The following NID2 variants were observed in gnomAD, a reference collection of about 807,000 sequenced individuals.
NID2 encodes nidogen-2.
A neutral mutation model predicts 145.4 loss-of-function variants in NID2; 83 were observed. That is an observed-to-expected ratio of 0.57 (90% CI 0.48 to 0.69). NID2 has a LOEUF of 0.69. NID2 is among the 30% of genes least tolerant of loss of function. The pLI is 0.00. For synonymous variants in NID2, 739 were observed against 701.3 expected, an observed-to-expected ratio of 1.05 and a Z score of -0.85; for missense variants, 1,807 against 1,765.7, an observed-to-expected ratio of 1.02 and a Z score of -0.42.
intron 2 of NID2, among the ~76,000 whole-genome samples, chr14:52,067,170 C>G (rs1035009625): frequency 7.9e-5 from 12 of 152,116 alleles, no homozygotes; most frequent in African/African-American, 2.9e-4. Flanking sequence ...TAATGAAAAA[C>G]CAGAAAAAGC....
intron 16 of NID2, among the ~76,000 whole-genome samples, chr14:52,012,322 A>G (rs1393137537): frequency 6.6e-6 from 1 of 152,204 alleles, no homozygotes; most frequent in Non-Finnish European, 1.5e-5. Context: ...AAGAAAGTGT[A>G]GTCAGGCACA....
chr14:52,022,484 A>G (rs1467824759), intron 12 of NID2, among the ~76,000 whole-genome samples: 1 of 152,170 alleles, frequency 6.6e-6, no homozygotes, highest in Non-Finnish European at 1.5e-5. Flanking sequence ...AAAACATGGA[A>G]AGACTTTCAG....
intron 5 of NID2, among the ~76,000 whole-genome samples, chr14:52,051,691 T>C (rs1317092941): frequency 1.3e-5 from 2 of 152,254 alleles, no homozygotes; most frequent in East Asian, 1.9e-4. Flanking sequence ...CTATACTTCA[T>C]ACATCCCCGT....
Position 52,042,208 on chromosome 14 carries a change from C to G in NID2, c.1722G>C (p.Gln574His), listed in dbSNP as rs1356402731. 2 of 1,614,094 alleles carry G rather than the reference C, an allele frequency of 1.2e-6. No homozygotes were observed. Among genetic ancestry groups the G allele is most frequent in the Non-Finnish European group, 1.7e-6 (2 of 1,180,050 alleles). Residue 574 changes from glutamine to histidine, a missense_variant, in exon 7 of 22, where the codon CAG (glutamine) becomes CAC (histidine). Transcript: ENST00000216286. Reference sequence around the variant, plus strand: ...GGGGGAGGAGGGCCTGGGCTGCTGGCTGTGGGATGTGGCTGATGGCCGTGT... The same window carrying G: ...GGGGGAGGAGGGCCTGGGCTGCTGGGTGTGGGATGTGGCTGATGGCCGTGT... The part of the protein sequence containing the change: ...RAYTAISHIP[Q>H]PAAQALLPLT...
At position 52,007,020 on chromosome 14, in the gene NID2, G is replaced by A. The variant is rs115824917; in HGVS notation, c.3881-360C>T. 1,236 of 161,628 alleles carry A rather than the reference G, an allele frequency of 7.6e-3. 13 individuals are homozygous for A. Among genetic ancestry groups the A allele is most frequent in the African/African-American group, 0.028 (1,180 of 41,660 alleles). 10.0% of individuals were successfully genotyped at this position (161,628 alleles called of 1,614,324 possible). A position where few individuals can be genotyped will look rare whatever the true frequency, so the allele number is the denominator to read the frequency against. ...TTTGTAAGCTATGTCTATAATTACT[G>A]AGGCAACCTTTTAACCAAAATCCTT... On this transcript the variant is annotated intron_variant, in intron 19 of 21. Coordinates refer to ENST00000216286, the MANE Select transcript of NID2 (RefSeq NM_007361.4).
In NID2 at chr14:52,014,386, G is replaced by T; in HGVS notation, c.3321C>A (p.Gly1107=). ...GGCCCTGAGTATAGAGCAGGAAGGTGCCCACAGATGGAGGGGTCACATCTG... is the reference window on the plus strand; with the variant it reads ...GGCCCTGAGTATAGAGCAGGAAGGTTCCCACAGATGGAGGGGTCACATCTG... ...PRPDVTPPSV[G]TFLLYTQGQQ... The change falls in exon 16 of 22, where the codon GGC becomes GGA. Residue 1107 remains glycine, a synonymous_variant. Transcript: ENST00000216286. 1 of 1,614,246 alleles carries T rather than the reference G, an allele frequency of 6.2e-7. No homozygotes were observed. Among genetic ancestry groups the T allele is most frequent in the South Asian group, 1.1e-5 (1 of 91,088 alleles).
intron 2 of NID2, among the ~76,000 whole-genome samples, chr14:52,062,278 T>C (rs750365392): frequency 1.9e-4 from 29 of 152,264 alleles, no homozygotes; most frequent in Non-Finnish European, 3.5e-4. Context: ...TTTGCTTTTT[T>C]CATTCATTCA....
rs747525166 is a variant in NID2 at position 52,027,302 on chromosome 14, G to C, written c.2573C>G (p.Thr858Ser). The change falls in exon 12 of 22, where the codon ACC becomes AGC. Residue 858 changes from threonine to serine, a missense_variant. Thr to Ser is a moderately conservative substitution (Grantham distance 58). Transcript: ENST00000216286. ...PANPCEDGSH[T>S]CAPAGQARCV... ...CCGGGCCTGCCCAGCAGGAGCACAGGTATGACTGCCATCCTCACAGGGGTT... is the reference window on the plus strand; with the variant it reads ...CCGGGCCTGCCCAGCAGGAGCACAGCTATGACTGCCATCCTCACAGGGGTT... 6.3e-7 allele frequency: 1 copy of C among 1,593,660 alleles called. No homozygotes were observed. Among genetic ancestry groups the C allele is most frequent in the Non-Finnish European group, 8.5e-7 (1 of 1,170,974 alleles).
chr14:52,006,030 A>G, intron 20 of NID2, 181 bp from the exon 21 acceptor site: 1 of 586,990 alleles, frequency 1.7e-6, no homozygotes, highest in South Asian at 1.9e-5. Context: ...GCTCATCTCT[A>G]GCTGCATGTT....
chr14:52,042,306 C>T lies in NID2; in HGVS notation c.1624G>A (p.Val542Met), dbSNP rs750209996. The change falls in exon 7 of 22, where the codon GTG becomes ATG. Residue 542 changes from valine (V) to methionine (M), a missense_variant. Physicochemically the swap from Val to Met is conservative, Grantham distance 21. Transcript: ENST00000216286. ...VNGKVSGHLH[V>M]GHTPVHFTDV... Reference sequence around the variant, plus strand: ...GTGAAGTGCACGGGTGTATGGCCCACGTGGAGGTGGCCACTCACTTTCCCA... The same window carrying T: ...GTGAAGTGCACGGGTGTATGGCCCATGTGGAGGTGGCCACTCACTTTCCCA... 9.3e-6 allele frequency: 15 copies of T among 1,613,396 alleles called. No individual in the cohort carries two copies. In the East Asian group the frequency reaches 1.1e-4, roughly 12 times the overall value.
intron 17 of NID2, 151 bp from the exon 18 acceptor site, chr14:52,011,198 C>G: frequency 1.4e-6 from 1 of 699,452 alleles, no homozygotes; most frequent in South Asian, 1.9e-5. Context: ...AATAGAGAAA[C>G]AAGTACTTTT....
chr14:52,012,342 G>A (rs1037419076), intron 16 of NID2, among the ~76,000 whole-genome samples: 1 of 152,190 alleles, frequency 6.6e-6, no homozygotes, highest in Non-Finnish European at 1.5e-5. Flanking sequence ...AGTGACTCAC[G>A]CCTGTAATCC....
At chr14:52,006,242 A>T in intron 20 of NID2, 1 of 401,596 alleles carries the variant, frequency 2.5e-6, no homozygotes, top group South Asian at 2.9e-5. Flanking sequence ...TTCTCTAAAG[A>T]ACATATTTAG....
chr14:52,059,613 C>A (rs1892960855), intron 3 of NID2, among the ~76,000 whole-genome samples: 1 of 152,222 alleles, frequency 6.6e-6, no homozygotes, highest in Admixed American at 6.5e-5. Context: ...ACTGATGAGT[C>A]TAAGGAATGG....
chr14:52,042,405 G>A (rs1489989868), intron 6 of NID2, 55 bp from the exon 7 acceptor site: 12 of 1,538,816 alleles, frequency 7.8e-6, no homozygotes, highest in Middle Eastern at 1.7e-4. Context: ...AGAGATGGGT[G>A]TACCCAGGTA....
chr14:52,025,264 A>G (rs1441915284), intron 12 of NID2, among the ~76,000 whole-genome samples: 2 of 152,220 alleles, frequency 1.3e-5, no homozygotes, highest in African/African-American at 4.8e-5. Context: ...TCTATTATAG[A>G]TATACTCAAT....
At chr14:52,011,704 A>C in intron 16 of NID2, 21 bp from the exon 17 acceptor site, 1 of 1,613,524 alleles carries the variant, frequency 6.2e-7, no homozygotes, top group Non-Finnish European at 8.5e-7. Context: ...CAAATCATAG[A>C]ATTAGAAGAA....
chr14:52,011,864 G>C, intron 16 of NID2, 181 bp from the exon 17 acceptor site: 3 of 670,286 alleles, frequency 4.5e-6, no homozygotes, highest in Non-Finnish European at 7.6e-6. Flanking sequence ...CCACTTAGTA[G>C]CCATGTGGCT....
rs747580497 is a variant in NID2 at position 52,029,671 on chromosome 14, C to T, written c.2277G>A (p.Pro759=). The T allele has an allele frequency of 2.7e-5, 43 of 1,613,700 alleles. 2 individuals are homozygous for T. The Middle Eastern group carries it at 3.0e-3, about 111-fold the overall frequency. Residue 759 remains proline (P), a synonymous_variant, in exon 10 of 22, where the codon CCG becomes CCA. Transcript: ENST00000216286. ...GPVKEDSDPT[P]GNPCYDGSHM... ...GGCTCCCATCATAGCAAGGATTCCC[C>T]GGAGTGGGGTCTGAATCCTCTGCAT... is the stretch of plus-strand genomic sequence containing the variant.
Sources: allele counts gnomAD v4.1 joint callset (sites outside exome capture counted in the v4.1 genomes callset), GRCh38; gene constraint gnomAD v4.1.1; transcripts MANE v1.5; gene names NCBI Gene and HGNC (gene_info 2026-07-23, HGNC 2026-07-21).